TMEM132D: variants seen among roughly 807,000 people sequenced by gnomAD.
The protein encoded by TMEM132D is transmembrane protein 132D, also known as mature OL transmembrane protein.
In TMEM132D, 21 loss-of-function variants were observed where a neutral mutation model predicts 62.3. That is an observed-to-expected ratio of 0.34 (90% CI 0.24 to 0.49). The LOEUF is 0.49. TMEM132D is among the 20% of genes least tolerant of loss of function. The probability of loss-of-function intolerance (pLI) is 0.99; values close to 1 mark genes in which losing one functional copy is unlikely to be tolerated. For missense variants in TMEM132D, 1,346 were observed against 1,402.8 expected (o/e 0.96, Z 0.65); for synonymous variants, 621 against 575.6 (o/e 1.08, Z -1.13).
chr12:129,647,793 CTTT>C (rs1879826295), intron 2 of TMEM132D, among the ~76,000 whole-genome samples: 1 of 152,104 alleles, frequency 6.6e-6, no homozygotes, highest in African/African-American at 2.4e-5. Flanking sequence ...TGTAGAAGAT[CTTT>C]AAGCATCCTG....
At chr12:129,107,235 C>T (rs1875530073) in intron 5 of TMEM132D, among the ~76,000 whole-genome samples, 1 of 152,276 alleles carries the variant, frequency 6.6e-6, no homozygotes, top group Middle Eastern at 3.4e-3. Flanking sequence ...GTTCTCAGTC[C>T]TATCAGATAT....
intron 5 of TMEM132D, among the ~76,000 whole-genome samples, chr12:129,189,842 C>T (rs574259385): frequency 6.6e-6 from 1 of 152,218 alleles, no homozygotes; most frequent in African/African-American, 2.4e-5. Flanking sequence ...AGTTAGGTTA[C>T]ATGACAGGGG....
At chr12:129,516,759 C>CA (rs1331983645) in intron 3 of TMEM132D, among the ~76,000 whole-genome samples, 1 of 152,208 alleles carries the variant, frequency 6.6e-6, no homozygotes, top group African/African-American at 2.4e-5. Context: ...CAAATGACCA[C>CA]AAATACAGAG....
At chr12:129,535,509 G>A (rs1009024812) in intron 2 of TMEM132D, among the ~76,000 whole-genome samples, 23 of 152,186 alleles carry the variant, frequency 1.5e-4, no homozygotes, top group African/African-American at 5.3e-4. Flanking sequence ...ATTATCCAAA[G>A]CACTGTGTAC....
Position 129,803,163 on chromosome 12 carries a change from T to A in TMEM132D, c.79+100098A>T, listed in dbSNP as rs564956247. Among the ~76,000 whole-genome samples, 4 of 151,686 alleles carry A rather than the reference T, an allele frequency of 2.6e-5. No homozygotes were observed. The East Asian group carries it at 7.8e-4, about 29-fold the overall frequency. ...AAAGTCAACAAGGATACCCAGGAAT[T>A]CAACTCAGCTCTGCACCAAGCGGGC... On this transcript the variant is annotated intron_variant, in intron 1 of 8. Transcript: ENST00000422113.
At chr12:129,464,650 A>G (rs1166101966) in intron 3 of TMEM132D, among the ~76,000 whole-genome samples, 1 of 152,160 alleles carries the variant, frequency 6.6e-6, no homozygotes, top group Non-Finnish European at 1.5e-5. Context: ...ATTTTTGTAT[A>G]AGGTGTAAGG....
chr12:129,220,477 T>A (rs919100872), intron 4 of TMEM132D, among the ~76,000 whole-genome samples: 1 of 152,176 alleles, frequency 6.6e-6, no homozygotes, highest in South Asian at 2.1e-4. Context: ...AAGTACCTTG[T>A]GGGGATGAGA....
At chr12:129,133,787 C>T (rs1387042708) in intron 5 of TMEM132D, among the ~76,000 whole-genome samples, 1 of 152,222 alleles carries the variant, frequency 6.6e-6, no homozygotes, top group African/African-American at 2.4e-5. Context: ...ACCTCATTTC[C>T]TTGTACGCGC....
intron 1 of TMEM132D, among the ~76,000 whole-genome samples, chr12:129,826,554 A>T (rs1351903149): frequency 6.6e-6 from 1 of 152,154 alleles, no homozygotes; most frequent in Non-Finnish European, 1.5e-5. Context: ...GAAGAAAAAG[A>T]TCTTCTTTGA....
At chr12:129,743,367 C>T (rs2123077) in intron 1 of TMEM132D, among the ~76,000 whole-genome samples, 98,585 of 152,096 alleles carry the variant, frequency 0.65, 32,332 homozygotes, top group South Asian at 0.74. Flanking sequence ...GCTGTTCGCA[C>T]GATAGTAAGT....
intron 3 of TMEM132D, among the ~76,000 whole-genome samples, chr12:129,440,251 A>T (rs1395837731): frequency 2.0e-5 from 3 of 152,204 alleles, no homozygotes; most frequent in Non-Finnish European, 4.4e-5. Context: ...TGTTCTCAGG[A>T]TGAAAAAACA....
chr12:129,669,507 C>A (rs1397926066), intron 2 of TMEM132D, among the ~76,000 whole-genome samples: 1 of 152,090 alleles, frequency 6.6e-6, no homozygotes, highest in Admixed American at 6.6e-5. Context: ...GAGTTCGAGA[C>A]CAGGCTGGCC....
At chr12:129,849,774 T>C (rs1328769132) in intron 1 of TMEM132D, among the ~76,000 whole-genome samples, 2 of 152,114 alleles carry the variant, frequency 1.3e-5, no homozygotes, top group Non-Finnish European at 2.9e-5. Context: ...TCCTATAAAT[T>C]ATGATATCAG....
At chr12:129,587,567 C>T (rs1878065086) in intron 2 of TMEM132D, among the ~76,000 whole-genome samples, 1 of 152,132 alleles carries the variant, frequency 6.6e-6, no homozygotes, top group Non-Finnish European at 1.5e-5. Context: ...CGCTCCAGAG[C>T]CCTCAGGAAA....
At position 129,277,205 on chromosome 12, in the gene TMEM132D, C is replaced by A. The variant is rs759034310; in HGVS notation, c.1299+60429G>T. ...GAAACAAGCCTGGCTTTTTCCTTTT[C>A]TTTTATTTTTTCTCACTAAAGATAT... On this transcript the variant is annotated intron_variant, in intron 4 of 8. Transcript: ENST00000422113. This position sits in a 1 kb window ranked among gnomAD's most constrained non-coding sequence, Gnocchi z 4.2. 9.9e-5 allele frequency among the ~76,000 whole-genome samples: 15 copies of A among 152,104 alleles called. No homozygotes were observed. The highest frequency in any genetic ancestry group is 2.1e-4 in the Non-Finnish European group (14 of 68,002).
chr12:129,347,289 C>T (rs920475150), intron 3 of TMEM132D, among the ~76,000 whole-genome samples: 13 of 152,144 alleles, frequency 8.5e-5, no homozygotes, highest in Admixed American at 3.3e-4. Flanking sequence ...GGCAGCATCA[C>T]GCTACCTGAC....
intron 1 of TMEM132D, among the ~76,000 whole-genome samples, chr12:129,801,639 C>T (rs2137307747): frequency 6.6e-6 from 1 of 151,868 alleles, no homozygotes; most frequent in East Asian, 1.9e-4. Context: ...ACCTCTCCTC[C>T]TCCAAAGGAA....
At chr12:129,383,204 G>C (rs1303652447) in intron 3 of TMEM132D, among the ~76,000 whole-genome samples, 1 of 152,094 alleles carries the variant, frequency 6.6e-6, no homozygotes, top group African/African-American at 2.4e-5. Flanking sequence ...TGCAACCTAC[G>C]TTCCAAATGT....
At chr12:129,236,104 T>TGTGTG (rs1879773089) in intron 4 of TMEM132D, among the ~76,000 whole-genome samples, 1 of 146,808 alleles carries the variant, frequency 6.8e-6, no homozygotes, top group East Asian at 2.0e-4. Flanking sequence ...TGATGCTATT[T>TGTGTG]TGTGTGTGTG....
Sources: gnomAD v4.1 joint callset for allele counts (sites outside exome capture counted in the v4.1 genomes callset) on GRCh38, gnomAD v4.1.1 for gene constraint, Gnocchi (gnomAD v3.1) non-coding constraint, MANE v1.5 for transcripts, NCBI Gene and HGNC (gene_info 2026-07-23, HGNC 2026-07-21) for gene names.